PAXBP1: variants seen among roughly 807,000 people sequenced by gnomAD.
PAXBP1 encodes PAX3- and PAX7-binding protein 1.
PAXBP1 carries 44 observed loss-of-function variants against 119.9 expected under a neutral mutation model. That is an observed-to-expected ratio of 0.37 (90% CI 0.29 to 0.47). PAXBP1 has a LOEUF of 0.47. Ranked by LOEUF, PAXBP1 falls within the 20% of genes least tolerant of loss-of-function variation. PAXBP1 has a pLI of 0.99. For missense variants in PAXBP1, 898 were observed against 1,134.1 expected (o/e 0.79, Z 2.99); for synonymous variants, 393 against 406.6 (o/e 0.97, Z 0.40).
At chr21:32,760,902 C>CGTGCGTGCGTGTGTGTGTGTGT (rs1491165069) in intron 5 of PAXBP1, among the ~76,000 whole-genome samples, 157 bp downstream of exon 5, 1 of 127,714 alleles carries the variant, frequency 7.8e-6, no homozygotes, top group African/African-American at 2.9e-5. Flanking sequence ...TGCGTGCGTG[C>CGTGCGTGCGTGTGTGTGTGTGT]GTGTGTGTGT....
chr21:32,757,346 A>AAT (rs1324964002), intron 7 of PAXBP1, among the ~76,000 whole-genome samples: 6 of 135,754 alleles, frequency 4.4e-5, no homozygotes, highest in African/African-American at 1.1e-4. Flanking sequence ...GTACTCTTAA[A>AAT]ATGAAATACA....
chr21:32,757,433 G>C (rs967289807), intron 7 of PAXBP1, among the ~76,000 whole-genome samples: 1 of 152,078 alleles, frequency 6.6e-6, no homozygotes, highest in Non-Finnish European at 1.5e-5. Context: ...TTAAAACGTA[G>C]TCACTGTATA....
chr21:32,763,169 G>A (rs976472854), intron 3 of PAXBP1, among the ~76,000 whole-genome samples: 1 of 151,920 alleles, frequency 6.6e-6, no homozygotes, highest in African/African-American at 2.4e-5. Flanking sequence ...CATAGATAAG[G>A]CATAATCTAC....
intron 8 of PAXBP1, among the ~76,000 whole-genome samples, chr21:32,754,279 T>C (rs149456968): frequency 6.6e-6 from 1 of 152,302 alleles, no homozygotes; most frequent in African/African-American, 2.4e-5. Flanking sequence ...TTGTTTAACA[T>C]GCAAATTTCT....
At chr21:32,747,464 G>A (rs1219654194) in intron 11 of PAXBP1, among the ~76,000 whole-genome samples, 1 of 152,118 alleles carries the variant, frequency 6.6e-6, no homozygotes, top group African/African-American at 2.4e-5. Flanking sequence ...TACAGTCTTG[G>A]GCCTTTGCTA....
At chr21:32,765,437 A>C (rs541028833) in intron 2 of PAXBP1, among the ~76,000 whole-genome samples, 14 of 152,342 alleles carry the variant, frequency 9.2e-5, no homozygotes, top group African/African-American at 3.4e-4. Flanking sequence ...CAAAAATCGA[A>C]GTGCTTCACC....
chr21:32,757,166 G>C lies in PAXBP1; in HGVS notation c.1384-1813C>G, dbSNP rs2044056584. ...CATAAGCAAAGAGGAAAAAAAAAGG[G>C]ATCTTTATCTTTTTACGGTTAACTC... On this transcript the variant is annotated intron_variant, in intron 7 of 17. Coordinates refer to ENST00000331923, the MANE Select transcript of PAXBP1 (RefSeq NM_016631.4). 7.2e-5 allele frequency among the ~76,000 whole-genome samples: 11 copies of C among 152,056 alleles called. No individual in the cohort carries two copies. The South Asian group carries it at 2.3e-3, about 32-fold the overall frequency.
At chr21:32,768,390 A>C (rs927446820) in intron 2 of PAXBP1, among the ~76,000 whole-genome samples, 7 of 152,232 alleles carry the variant, frequency 4.6e-5, no homozygotes, top group Non-Finnish European at 8.8e-5. Context: ...ACACTCCAGG[A>C]CAAAAGTTCA....
rs774297549 is a variant in PAXBP1 at position 32,762,360 on chromosome 21, A to T, written c.650-43T>A. 16 of 1,564,506 alleles carry T rather than the reference A, an allele frequency of 1.0e-5. No individual in the cohort carries two copies. The African/African-American group carries it at 2.1e-4, about 20-fold the overall frequency. On this transcript the variant is annotated intron_variant, in intron 3 of 17. Transcript: ENST00000331923. The stretch of plus-strand genomic sequence containing the variant: ...GAATATGGCAGTATGAGAGATGCAA[A>T]GTTTCTATTTTCTTGAAAATATGAA...
chr21:32,771,369 C>T lies in PAXBP1; in HGVS notation c.300G>A (p.Glu100=), dbSNP rs781375600. The part of the protein sequence containing the change: ...KPRKRPRENK[E]VPRASLLSFQ... ...AGCTGAGCAGGCTGGCCCGGGGCAC[C>T]TCTTTGTTCTCGCGAGGCCTCTTGC... Residue 100 remains glutamate (E), a synonymous_variant, in exon 1 of 18, where the codon GAG becomes GAA. Coordinates refer to ENST00000331923, the MANE Select transcript of PAXBP1 (RefSeq NM_016631.4). 7 of 1,584,024 alleles carry T rather than the reference C, an allele frequency of 4.4e-6. No homozygotes were observed. The Admixed American group carries it at 1.2e-4, about 27-fold the overall frequency.
chr21:32,744,265 A>AAAAAAAAAAAAG, intron 13 of PAXBP1, among the ~76,000 whole-genome samples: 1 of 151,450 alleles, frequency 6.6e-6, no homozygotes, highest in Non-Finnish European at 1.5e-5. Flanking sequence ...TGAGCTAAAA[A>AAAAAAAAAAAAG]AAAAAAAAAA....
At position 32,734,820 on chromosome 21, in the gene PAXBP1, A is replaced by G; in HGVS notation, c.*130T>C. 4 of 699,520 alleles carry G rather than the reference A, an allele frequency of 5.7e-6. No individual in the cohort carries two copies. Among genetic ancestry groups the G allele is most frequent in the Non-Finnish European group, 1.0e-5 (4 of 394,074 alleles). 43.3% of individuals were successfully genotyped at this position (699,520 alleles called of 1,614,324 possible). ...CTGAAGAAATATCATTTAAGGACAC[A>G]GTATTGAATATAATGTTTTTTGTAT... On this transcript the variant is annotated 3_prime_UTR_variant, in exon 18 of 18. Coordinates refer to ENST00000331923, the MANE Select transcript of PAXBP1 (RefSeq NM_016631.4).
rs1293776952 is a variant in PAXBP1 at position 32,741,740 on chromosome 21, T to C, written c.2334+1508A>G. 2.1e-5 allele frequency: 11 copies of C among 517,916 alleles called. No homozygotes were observed. In the Admixed American group the frequency reaches 2.4e-4, roughly 12 times the overall value. 32.1% of individuals were successfully genotyped at this position (517,916 alleles called of 1,614,324 possible). A position where few individuals can be genotyped will look rare whatever the true frequency, so the allele number is the denominator to read the frequency against. ...GGTTGGCTTTGCGGAAAAGGGGTTC[T>C]GGTGTCTATGACCCGCCTGGGGCAA... On this transcript the variant is annotated intron_variant, in intron 15 of 17. Coordinates refer to ENST00000331923, the MANE Select transcript of PAXBP1 (RefSeq NM_016631.4).
At chr21:32,758,985 G>T in intron 7 of PAXBP1, 95 bp downstream of exon 7, 1 of 1,217,120 alleles carries the variant, frequency 8.2e-7, no homozygotes, top group Non-Finnish European at 1.2e-6. Flanking sequence ...AGTTCAGTGG[G>T]TACTTTCTGA....
rs745841726 is a variant in PAXBP1 at position 32,759,974 on chromosome 21, T to C, written c.996A>G (p.Ala332=). ...NIPQVQASQP[A]EVNMYYQNTY... is the part of the protein sequence containing the mutation. ...TGTTCTGGTAGTACATATTCACTTCTGCGGGTTGACTGGCTTGAACCTAGA... is the reference window on the plus strand; with the variant it reads ...TGTTCTGGTAGTACATATTCACTTCCGCGGGTTGACTGGCTTGAACCTAGA... Residue 332 remains alanine, a synonymous_variant, in exon 6 of 18, where the codon GCA becomes GCG. Coordinates refer to ENST00000331923, the MANE Select transcript of PAXBP1 (RefSeq NM_016631.4). 8 of 1,613,876 alleles carry C rather than the reference T, an allele frequency of 5.0e-6. No individual in the cohort carries two copies. In the South Asian group the frequency reaches 8.8e-5, roughly 18 times the overall value.
intron 2 of PAXBP1, among the ~76,000 whole-genome samples, chr21:32,765,705 A>AT (rs988965767): frequency 1.4e-5 from 2 of 144,404 alleles, no homozygotes; most frequent in African/African-American, 5.2e-5. Flanking sequence ...AGGCTCTTTC[A>AT]TTTTTTTTCT....
At chr21:32,769,036 G>A (rs1163508812) in intron 2 of PAXBP1, among the ~76,000 whole-genome samples, 1 of 152,196 alleles carries the variant, frequency 6.6e-6, no homozygotes, top group Non-Finnish European at 1.5e-5. Context: ...GCCAAACACT[G>A]AGTCCTCTTA....
chr21:32,767,477 T>C (rs1052865574), intron 2 of PAXBP1, among the ~76,000 whole-genome samples: 2 of 152,324 alleles, frequency 1.3e-5, no homozygotes, highest in African/African-American at 4.8e-5. Context: ...AACCCAACAA[T>C]AAATGGCAAC....
At chr21:32,751,658 T>C (rs1465183311) in intron 8 of PAXBP1, 1 of 153,732 alleles carries the variant, frequency 6.5e-6, no homozygotes, top group Non-Finnish European at 1.4e-5. Flanking sequence ...GAAAACAGCT[T>C]TGTTGCAAGA....
Sources: gnomAD v4.1 joint callset for allele counts (sites outside exome capture counted in the v4.1 genomes callset) on GRCh38, gnomAD v4.1.1 for gene constraint, MANE v1.5 for transcripts, NCBI Gene and HGNC (gene_info 2026-07-23, HGNC 2026-07-21) for gene names.